Variants in ASAP1 observed in about 807,000 individuals in gnomAD.
The protein encoded by ASAP1 is arf-GAP with SH3 domain, ANK repeat and PH domain-containing protein 1.
A neutral mutation model predicts 145.2 loss-of-function variants in ASAP1; 43 were observed. That is an observed-to-expected ratio of 0.30 (90% CI 0.23 to 0.38). The LOEUF is 0.38. ASAP1 is among the 10% of genes least tolerant of loss of function. The pLI is 1.00. For missense variants in ASAP1, 1,018 were observed against 1,355.3 expected (o/e 0.75, Z 3.91); for synonymous variants, 546 against 515.5 (o/e 1.06, Z -0.80).
Position 130,263,114 on chromosome 8 carries a change from G to C in ASAP1, c.187-26120C>G, listed in dbSNP as rs75414498. Among the ~76,000 whole-genome samples the C allele has an allele frequency of 3.8e-3, 583 of 152,300 alleles. 8 individuals are homozygous for C. Among genetic ancestry groups the C allele is most frequent in the African/African-American group, 0.013 (559 of 41,564 alleles). On this transcript the variant is annotated intron_variant, in intron 3 of 29. Transcript: ENST00000518721. ...ATAGCTCCCTTTGACTTGGCATATA[G>C]TGTCTGATTACGTGTGTTGATCACA...
At chr8:130,229,018 T>C (rs1295698388) in intron 4 of ASAP1, among the ~76,000 whole-genome samples, 2 of 152,128 alleles carry the variant, frequency 1.3e-5, no homozygotes, top group Non-Finnish European at 2.9e-5. Context: ...TCTGAGAATA[T>C]CCTTCTGTTG....
intron 3 of ASAP1, among the ~76,000 whole-genome samples, chr8:130,329,698 A>G (rs889264744): frequency 6.6e-6 from 1 of 152,194 alleles, no homozygotes; most frequent in Non-Finnish European, 1.5e-5. Flanking sequence ...AAAAACAAAG[A>G]GCTCTGAAAT....
intron 3 of ASAP1, among the ~76,000 whole-genome samples, chr8:130,338,803 C>G (rs1825197838): frequency 1.3e-5 from 2 of 152,230 alleles, no homozygotes; most frequent in South Asian, 4.1e-4. Flanking sequence ...TGACTTCCTA[C>G]TGCTGCTCTG....
At chr8:130,136,389 G>C (rs1439807821) in intron 14 of ASAP1, among the ~76,000 whole-genome samples, 1 of 152,126 alleles carries the variant, frequency 6.6e-6, no homozygotes, top group Non-Finnish European at 1.5e-5. Context: ...ATTCACAGAG[G>C]TTGAAGGCAG....
intron 24 of ASAP1, among the ~76,000 whole-genome samples, chr8:130,099,054 A>G (rs1016187028): frequency 7.9e-6 from 1 of 126,084 alleles, no homozygotes; most frequent in Non-Finnish European, 1.6e-5. Flanking sequence ...TCTGTTGCCC[A>G]GGCTGGAATG....
intron 24 of ASAP1, among the ~76,000 whole-genome samples, chr8:130,098,501 G>A (rs368839248): frequency 4.4e-4 from 67 of 152,106 alleles, no homozygotes; most frequent in African/African-American, 1.5e-3. Flanking sequence ...CTGCCACCAC[G>A]CCCGGCTAAT....
At chr8:130,347,377 A>G (rs1825758606) in intron 3 of ASAP1, among the ~76,000 whole-genome samples, 1 of 152,256 alleles carries the variant, frequency 6.6e-6, no homozygotes, top group South Asian at 2.1e-4. Context: ...AGGGAAGGGC[A>G]GAGAAACTAA....
intron 2 of ASAP1, among the ~76,000 whole-genome samples, chr8:130,377,663 C>T (rs1260741273): frequency 6.6e-6 from 1 of 152,220 alleles, no homozygotes; most frequent in African/African-American, 2.4e-5. Context: ...CAGGGCTCCT[C>T]CACCCTCTGG....
intron 27 of ASAP1, among the ~76,000 whole-genome samples, chr8:130,072,837 G>GGGT (rs1473648457): frequency 3.7e-5 from 5 of 133,356 alleles, no homozygotes; most frequent in African/African-American, 1.3e-4. Context: ...GCGCGGGGGG[G>GGGT]GGCAGTTTTG....
chr8:130,075,877 G>A (rs2097461238), intron 27 of ASAP1, among the ~76,000 whole-genome samples: 1 of 152,170 alleles, frequency 6.6e-6, no homozygotes, highest in Non-Finnish European at 1.5e-5. Context: ...GGATTCCTTT[G>A]CCACCCACTT....
chr8:130,257,862 A>G (rs893961044), intron 3 of ASAP1, among the ~76,000 whole-genome samples: 3 of 144,390 alleles, frequency 2.1e-5, no homozygotes, highest in Admixed American at 7.0e-5. Flanking sequence ...AGTTATATGC[A>G]CTTGAACCAC....
chr8:130,161,085 TA>T (rs2097668174), intron 11 of ASAP1, among the ~76,000 whole-genome samples: 1 of 152,066 alleles, frequency 6.6e-6, no homozygotes, highest in Non-Finnish European at 1.5e-5. Context: ...TTTAGGAAGA[TA>T]AAATGGTTGA....
At chr8:130,095,476 T>G (rs1043919865) in intron 24 of ASAP1, among the ~76,000 whole-genome samples, 3 of 151,774 alleles carry the variant, frequency 2.0e-5, no homozygotes, top group Non-Finnish European at 4.4e-5. Flanking sequence ...AATTTTTGTA[T>G]TTTTAGTAGA....
At chr8:130,117,804 C>T (rs1352716387) in intron 20 of ASAP1, among the ~76,000 whole-genome samples, 1 of 152,206 alleles carries the variant, frequency 6.6e-6, no homozygotes, top group Non-Finnish European at 1.5e-5. Context: ...ATCTGTGCAG[C>T]AGATTTTTGG....
rs151078831 is a variant in ASAP1 at position 130,063,366 on chromosome 8, C to T, written c.2702-2297G>A. 7.4e-4 allele frequency among the ~76,000 whole-genome samples: 112 copies of T among 152,222 alleles called. 1 individual carries two copies. The highest frequency in any genetic ancestry group is 2.6e-3 in the African/African-American group (108 of 41,556). On this transcript the variant is annotated intron_variant, in intron 27 of 29. Transcript: ENST00000518721. ...CTAATTTTTAATTTTTTAGTAGAGA[C>T]GTGCAGGGCCATGCTGTCCCCAGCT...
rs1164127251 is a variant in ASAP1, at chr8:130,052,151, TAAAA to T, written c.*2576_*2579del. The T allele has an allele frequency of 1.3e-5, 2 of 152,642 alleles. No individual in the cohort carries two copies. Among genetic ancestry groups the T allele is most frequent in the East Asian group, 3.8e-4 (2 of 5,200 alleles). The allele number at this position is 152,642 out of a possible 1,614,324, so 9.5% of individuals were successfully genotyped here. Reference sequence around the variant, plus strand: ...TTTATTTAAAAGCAATTTTAAATATTAAAAAAAGTAGAAATTAACACATACAGTA... The same window carrying T: ...TTTATTTAAAAGCAATTTTAAATATTAAAGTAGAAATTAACACATACAGTA... On this transcript the variant is annotated 3_prime_UTR_variant, in exon 30 of 30. Transcript: ENST00000518721.
intron 1 of ASAP1, among the ~76,000 whole-genome samples, chr8:130,422,205 G>A (rs1022631296): frequency 3.9e-5 from 6 of 152,146 alleles, no homozygotes; most frequent in African/African-American, 7.2e-5. Flanking sequence ...AGGGGGATGG[G>A]CACATCTTCA....
intron 25 of ASAP1, chr8:130,083,755 A>C (rs1365048301): frequency 6.6e-6 from 1 of 152,202 alleles, no homozygotes; most frequent in Non-Finnish European, 1.5e-5. Context: ...ACTTCAAAGA[A>C]TGGACCCCAC....
rs572136385 is a variant in ASAP1 at position 130,135,920 on chromosome 8, A to G, written c.1168+1031T>C. ...AATACAGTTTCGACTACCCCTAAAGAGCCTCATGACTGACTCTATCTTTTG... is the reference window on the plus strand; with the variant it reads ...AATACAGTTTCGACTACCCCTAAAGGGCCTCATGACTGACTCTATCTTTTG... On this transcript the variant is annotated intron_variant, in intron 14 of 29. Transcript: ENST00000518721. Among the ~76,000 whole-genome samples the G allele has an allele frequency of 3.3e-5, 5 of 152,278 alleles. No individual in the cohort carries two copies. The East Asian group carries it at 9.6e-4, about 29-fold the overall frequency.
Sources: gnomAD v4.1 joint callset for allele counts (sites outside exome capture counted in the v4.1 genomes callset) on GRCh38, gnomAD v4.1.1 for gene constraint, MANE v1.5 for transcripts, NCBI Gene and HGNC (gene_info 2026-07-23, HGNC 2026-07-21) for gene names.